RABL6: variants seen among roughly 807,000 people sequenced by gnomAD.
RABL6 encodes RAB, member RAS oncogene family like 6.
RABL6 carries 28 observed loss-of-function variants against 72.9 expected under a neutral mutation model. The observed-to-expected ratio is 0.38, with a 90% CI of 0.28 to 0.53. The LOEUF is 0.53. Among genes scored for constraint, RABL6 ranks in the 20% least tolerant of loss-of-function variants. RABL6 has a pLI of 0.80. For missense variants in RABL6, 1,029 were observed against 1,008.4 expected (o/e 1.02, Z -0.28); for synonymous variants, 477 against 421.2 (o/e 1.13, Z -1.62).
chr9:136,815,179 G>A, intron 1 of RABL6: 1 of 329,860 alleles, frequency 3.0e-6, no homozygotes. Context: ...TGGCGTTCTT[G>A]CCGTTCTTTG....
At chr9:136,817,987 G>A (rs544286062) in intron 1 of RABL6, among the ~76,000 whole-genome samples, 19 of 150,418 alleles carry the variant, frequency 1.3e-4, no homozygotes, top group African/African-American at 3.7e-4. Flanking sequence ...GTGTGAACCC[G>A]GGAGGCACAA....
chr9:136,837,806 G>T, intron 9 of RABL6, 56 bp from the exon 10 acceptor site: 1 of 1,542,146 alleles, frequency 6.5e-7, no homozygotes, highest in Non-Finnish European at 8.8e-7. Context: ...GCTTGGGGTT[G>T]GGTGCAGTGA....
intron 3 of RABL6, chr9:136,828,229 T>C (rs1310195167): frequency 4.3e-6 from 2 of 462,244 alleles, no homozygotes; most frequent in East Asian, 7.5e-5. Context: ...CACCGCAGCC[T>C]GTCCAGGAGC....
intron 1 of RABL6, among the ~76,000 whole-genome samples, chr9:136,810,860 A>C (rs1326706336): frequency 2.0e-5 from 3 of 152,132 alleles, no homozygotes; most frequent in Admixed American, 2.0e-4. Context: ...TTATTTTCTC[A>C]AATATTTTAC....
chr9:136,836,932 G>A (rs1027432455), intron 8 of RABL6: 2 of 356,002 alleles, frequency 5.6e-6, no homozygotes, highest in African/African-American at 4.3e-5. Flanking sequence ...GGAGCGCAGT[G>A]GTGTGATCTC....
rs1416127577 is a variant in RABL6, at chr9:136,840,756, C to T, written c.*234C>T. 5.2e-6 allele frequency: 8 copies of T among 1,548,170 alleles called. No individual in the cohort carries two copies. Among genetic ancestry groups the T allele is most frequent in the Non-Finnish European group, 7.0e-6 (8 of 1,146,838 alleles). ...GAGGGGACAGCTGGCTTCAGCCAGG[C>T]TCGGTGGACACCCTGGCCCTCTCGG... On this transcript the variant is annotated 3_prime_UTR_variant, in exon 15 of 15. Coordinates refer to ENST00000311502, the MANE Select transcript of RABL6 (RefSeq NM_024718.5).
Position 136,838,938 on chromosome 9 carries a change from T to C in RABL6, c.1310T>C (p.Met437Thr). The change falls in exon 11 of 15, where the codon ATG (methionine) becomes ACG (threonine). Residue 437 changes from methionine (M) to threonine (T), a missense_variant. Physicochemically the swap from Met to Thr is moderately conservative, Grantham distance 81. Transcript: ENST00000311502. ...SDGEALGGNPMVAGFQDDVDL... is the reference protein window; with the variant it reads ...SDGEALGGNPTVAGFQDDVDL... ...GGGGAGGCCCTGGGCGGCAACCCGA[T>C]GGTGGCAGGGTTCCAGGACGATGTG... 1 of 1,606,158 alleles carries C rather than the reference T, an allele frequency of 6.2e-7. No individual in the cohort carries two copies. Among genetic ancestry groups the C allele is most frequent in the Non-Finnish European group, 8.5e-7 (1 of 1,176,198 alleles).
At chr9:136,835,530 G>A (rs1848569329) in intron 7 of RABL6, 5 of 528,902 alleles carry the variant, frequency 9.5e-6, no homozygotes, top group South Asian at 8.0e-5. Flanking sequence ...CAGTGTGTAG[G>A]TGTCGTGCCG....
At chr9:136,815,887 T>G (rs1190515265) in intron 1 of RABL6, among the ~76,000 whole-genome samples, 1 of 152,194 alleles carries the variant, frequency 6.6e-6, no homozygotes, top group African/African-American at 2.4e-5. Flanking sequence ...AAAACAAGCT[T>G]AGAACAGAGG....
intron 2 of RABL6, among the ~76,000 whole-genome samples, chr9:136,824,689 G>A (rs927215970): frequency 1.3e-5 from 2 of 151,984 alleles, no homozygotes; most frequent in Admixed American, 6.5e-5. Flanking sequence ...TGGGTTACTA[G>A]TGGGAGGCAA....
chr9:136,830,549 G>A (rs116845970), intron 5 of RABL6, among the ~76,000 whole-genome samples: 70 of 152,380 alleles, frequency 4.6e-4, no homozygotes, highest in Middle Eastern at 3.4e-3. Context: ...TCACCTGGGC[G>A]AGCAGTGGTG....
At chr9:136,833,849 C>G (rs1239712505) in intron 7 of RABL6, 2 of 1,550,530 alleles carry the variant, frequency 1.3e-6, no homozygotes, top group Non-Finnish European at 1.7e-6. Context: ...TCAGACTTGT[C>G]CTGTGCCGGC....
chr9:136,837,305 G>A (rs1323679552), intron 8 of RABL6, 41 bp from the exon 9 acceptor site: 1 of 1,564,284 alleles, frequency 6.4e-7, no homozygotes, highest in African/African-American at 1.4e-5. Flanking sequence ...CTCAGGGAGA[G>A]GCAGGGGAGC....
chr9:136,815,810 A>G (rs1212600438), intron 1 of RABL6, among the ~76,000 whole-genome samples: 1 of 152,218 alleles, frequency 6.6e-6, no homozygotes, highest in African/African-American at 2.4e-5. Flanking sequence ...AAGGAGTTAA[A>G]TTGAATCAGG....
chr9:136,837,407 C>A lies in RABL6; in HGVS notation c.871C>A (p.Gln291Lys). 1 of 1,593,050 alleles carries A rather than the reference C, an allele frequency of 6.3e-7. No individual in the cohort carries two copies. The change falls in exon 9 of 15, where the codon CAG becomes AAG. Residue 291 changes from glutamine (Q) to lysine (K), a missense_variant. Physicochemically the swap from Gln to Lys is moderately conservative, Grantham distance 53. Coordinates refer to ENST00000311502, the MANE Select transcript of RABL6 (RefSeq NM_024718.5). ...TGCGTCCCCACTGGCGGCCAACGGG[C>A]AGAGCCCATCCCCGGGCTCCCAGTC... ...GHASPLAANG[Q>K]SPSPGSQSPV... is the part of the protein sequence containing the mutation.
chr9:136,811,511 A>G (rs903745567), intron 1 of RABL6, among the ~76,000 whole-genome samples: 4 of 151,752 alleles, frequency 2.6e-5, no homozygotes, highest in Non-Finnish European at 4.4e-5. Context: ...CCAGCTACTC[A>G]GGAGGCTGAG....
chr9:136,819,492 G>A (rs934744995), intron 1 of RABL6, among the ~76,000 whole-genome samples: 3 of 152,082 alleles, frequency 2.0e-5, no homozygotes, highest in Non-Finnish European at 2.9e-5. Flanking sequence ...TGTGAGATTC[G>A]AGGAATTTTT....
intron 10 of RABL6, among the ~76,000 whole-genome samples, chr9:136,838,605 G>A (rs1848626150): frequency 6.6e-6 from 1 of 152,246 alleles, no homozygotes; most frequent in Admixed American, 6.5e-5. Flanking sequence ...ATACACAAAG[G>A]ACAGAAAGCC....
intron 2 of RABL6, 24 bp downstream of exon 2, chr9:136,823,683 G>A (rs1848291260): frequency 1.9e-6 from 3 of 1,587,282 alleles, no homozygotes; most frequent in Admixed American, 3.5e-5. Context: ...GTGCCCCAGT[G>A]GGTTCGGGCT....
Sources: allele counts gnomAD v4.1 joint callset (sites outside exome capture counted in the v4.1 genomes callset), GRCh38; gene constraint gnomAD v4.1.1; transcripts MANE v1.5; gene names NCBI Gene and HGNC (gene_info 2026-07-23, HGNC 2026-07-21).